Variants in LRRC1 observed in about 807,000 individuals in gnomAD.
The protein encoded by LRRC1 is leucine-rich repeat-containing protein 1.
In LRRC1, 28 loss-of-function variants were observed where a neutral mutation model predicts 69.9. That is an observed-to-expected ratio of 0.40 (90% CI 0.30 to 0.55). The LOEUF is 0.55. Ranked by LOEUF, LRRC1 falls within the 20% of genes least tolerant of loss-of-function variation. The pLI, the probability that LRRC1 is intolerant of heterozygous loss-of-function variation, is 0.47. For missense variants in LRRC1, 498 were observed against 609.0 expected (o/e 0.82, Z 1.92); for synonymous variants, 236 against 240.2 (o/e 0.98, Z 0.16).
chr6:53,879,314 CAA>C (rs1374560799), intron 3 of LRRC1, among the ~76,000 whole-genome samples: 1 of 152,124 alleles, frequency 6.6e-6, no homozygotes, highest in Non-Finnish European at 1.5e-5. Flanking sequence ...GTGAAGTGTA[CAA>C]AACAGGATGA....
intron 2 of LRRC1, among the ~76,000 whole-genome samples, chr6:53,855,310 T>C (rs1041310020): frequency 6.6e-6 from 1 of 152,226 alleles, no homozygotes; most frequent in Non-Finnish European, 1.5e-5. Context: ...TACAAAATGT[T>C]AAAGAACAAG....
chr6:53,908,440 G>A (rs745832625), intron 10 of LRRC1, among the ~76,000 whole-genome samples: 9 of 152,020 alleles, frequency 5.9e-5, no homozygotes, highest in Non-Finnish European at 1.0e-4. Context: ...TCATTTTGTG[G>A]ATAGTTTTTC....
rs114565431 is a variant in LRRC1 at position 53,842,294 on chromosome 6, T to A, written c.277+67T>A. The A allele has an allele frequency of 3.0e-3, 3,168 of 1,070,498 alleles. 89 individuals carry two copies. The African/African-American group carries it at 0.045, about 15-fold the overall frequency. The allele number at this position is 1,070,498 out of a possible 1,614,324, so 66.3% of individuals were successfully genotyped here. On this transcript the variant is annotated intron_variant, in intron 2 of 13. Coordinates refer to ENST00000370888, the MANE Select transcript of LRRC1 (RefSeq NM_018214.5). ...ATGCTGGGGGTGTTTTTAGTAAATATAGCTACGAGTGAGAACATGCGGTGT... is the reference window on the plus strand; with the variant it reads ...ATGCTGGGGGTGTTTTTAGTAAATAAAGCTACGAGTGAGAACATGCGGTGT...
intron 1 of LRRC1, among the ~76,000 whole-genome samples, chr6:53,800,742 C>A (rs546801833): frequency 1.3e-5 from 2 of 151,264 alleles, no homozygotes; most frequent in Non-Finnish European, 2.9e-5. Context: ...TGGGTTCAAG[C>A]GATTCTCCTG....
chr6:53,851,260 C>G (rs1378244584), intron 2 of LRRC1, among the ~76,000 whole-genome samples: 1 of 151,822 alleles, frequency 6.6e-6, no homozygotes, highest in Non-Finnish European at 1.5e-5. Flanking sequence ...TAATCTCTCT[C>G]TCTGAGACAG....
At chr6:53,894,710 C>T (rs938516064) in intron 4 of LRRC1, among the ~76,000 whole-genome samples, 1 of 152,044 alleles carries the variant, frequency 6.6e-6, no homozygotes, top group African/African-American at 2.4e-5. Flanking sequence ...TTTTACTTTT[C>T]AAGTAAAATT....
rs1199073956 is a variant in LRRC1 at position 53,922,830 on chromosome 6, C to T, written c.*37C>T. 1.9e-6 allele frequency: 3 copies of T among 1,599,342 alleles called. No individual in the cohort carries two copies. The highest frequency in any genetic ancestry group is 2.7e-5 in the African/African-American group (2 of 74,674). ...CAAGTTTTACCTCCTGTGTCTTCCT[C>T]TGCTGTCGAGACGTTCCTGTCTGCT... On this transcript the variant is annotated 3_prime_UTR_variant, in exon 14 of 14. Coordinates refer to ENST00000370888, the MANE Select transcript of LRRC1 (RefSeq NM_018214.5).
At chr6:53,801,126 G>A (rs1223785673) in intron 1 of LRRC1, among the ~76,000 whole-genome samples, 1 of 152,198 alleles carries the variant, frequency 6.6e-6, no homozygotes, top group African/African-American at 2.4e-5. Flanking sequence ...GCTGGAAGTT[G>A]TATGAACAAA....
intron 1 of LRRC1, among the ~76,000 whole-genome samples, chr6:53,839,610 T>A (rs1765708175): frequency 6.6e-6 from 1 of 152,184 alleles, no homozygotes; most frequent in African/African-American, 2.4e-5. Flanking sequence ...TTTTTTTTCC[T>A]CTTTGAGTTA....
chr6:53,887,102 CT>C (rs2127432788), intron 4 of LRRC1, among the ~76,000 whole-genome samples: 1 of 152,260 alleles, frequency 6.6e-6, no homozygotes, highest in African/African-American at 2.4e-5. Flanking sequence ...GCTAGGACCA[CT>C]TTAGCCTGTT....
chr6:53,811,526 G>T (rs141792116), intron 1 of LRRC1, among the ~76,000 whole-genome samples: 37 of 152,322 alleles, frequency 2.4e-4, no homozygotes, highest in Middle Eastern at 3.4e-3. Flanking sequence ...CAAAAGAGAA[G>T]GCCTGAGCTG....
chr6:53,834,322 A>G (rs1765547195), intron 1 of LRRC1, among the ~76,000 whole-genome samples: 1 of 152,178 alleles, frequency 6.6e-6, no homozygotes, highest in African/African-American at 2.4e-5. Flanking sequence ...GTGCTCTCAC[A>G]TGTAGGTTTC....
intron 1 of LRRC1, among the ~76,000 whole-genome samples, chr6:53,824,960 A>G (rs1765216483): frequency 1.3e-5 from 2 of 152,164 alleles, no homozygotes; most frequent in Admixed American, 6.5e-5. Context: ...TTTTTCTTTC[A>G]TTAGTTTTCT....
At chr6:53,878,863 A>G (rs1767165483) in intron 2 of LRRC1, 130 bp from the exon 3 acceptor site, 1 of 559,926 alleles carries the variant, frequency 1.8e-6, no homozygotes, top group South Asian at 2.4e-5. Context: ...AAAATACTTT[A>G]TAAGTCTAGG....
intron 2 of LRRC1, among the ~76,000 whole-genome samples, chr6:53,878,688 C>T (rs1034479555): frequency 4.6e-5 from 7 of 152,198 alleles, no homozygotes; most frequent in Non-Finnish European, 8.8e-5. Context: ...CGGTTCCTCA[C>T]AGGTACTGGT....
At chr6:53,867,847 T>TG (rs1766753010) in intron 2 of LRRC1, among the ~76,000 whole-genome samples, 1 of 150,572 alleles carries the variant, frequency 6.6e-6, no homozygotes, top group Non-Finnish European at 1.5e-5. Flanking sequence ...CGCAGCTAGT[T>TG]GGGGGCTGAG....
chr6:53,896,430 G>C (rs376234753), intron 4 of LRRC1, 68 bp from the exon 5 acceptor site: 197 of 1,315,322 alleles, frequency 1.5e-4, no homozygotes, highest in Admixed American at 2.7e-4. Context: ...TGTGTGTATG[G>C]GGGAAGGGAG....
intron 8 of LRRC1, among the ~76,000 whole-genome samples, chr6:53,902,294 G>A (rs1349619677): frequency 6.6e-6 from 1 of 152,114 alleles, no homozygotes; most frequent in Non-Finnish European, 1.5e-5. Context: ...AATGCTTGGA[G>A]TAAAATGAAA....
intron 10 of LRRC1, among the ~76,000 whole-genome samples, chr6:53,911,698 C>A (rs747683798): frequency 6.6e-6 from 1 of 152,218 alleles, no homozygotes; most frequent in Non-Finnish European, 1.5e-5. Flanking sequence ...CGAAGCTCCT[C>A]CACCTGGAGC....
Sources: allele counts gnomAD v4.1 joint callset (sites outside exome capture counted in the v4.1 genomes callset), GRCh38; gene constraint gnomAD v4.1.1; transcripts MANE v1.5; gene names NCBI Gene and HGNC (gene_info 2026-07-23, HGNC 2026-07-21).